DZIP3: variants seen among roughly 807,000 people sequenced by gnomAD.
DZIP3 encodes DAZ interacting zinc finger protein 3.
A neutral mutation model predicts 162.0 loss-of-function variants in DZIP3; 118 were observed. The observed-to-expected ratio is 0.73, with a 90% CI of 0.63 to 0.85. The LOEUF is 0.85. DZIP3 is among the 40% of genes least tolerant of loss of function. DZIP3 has a pLI of 0.00. For synonymous variants in DZIP3, 438 were observed against 458.6 expected (o/e 0.96, Z 0.57); for missense variants, 1,331 against 1,407.0 (o/e 0.95, Z 0.86).
At chr3:108,607,333 G>C (rs1940438762) in intron 2 of DZIP3, among the ~76,000 whole-genome samples, 1 of 152,096 alleles carries the variant, frequency 6.6e-6, no homozygotes, top group East Asian at 1.9e-4. Flanking sequence ...AGTCAAATAA[G>C]AGAATATTTA....
At chr3:108,646,190 T>G (rs1336254222) in intron 14 of DZIP3, among the ~76,000 whole-genome samples, 1 of 152,176 alleles carries the variant, frequency 6.6e-6, no homozygotes, top group African/African-American at 2.4e-5. Context: ...CAGCCTGATG[T>G]ACATTGTAGG....
intron 19 of DZIP3, among the ~76,000 whole-genome samples, chr3:108,656,182 G>A (rs1055306275): frequency 2.0e-5 from 3 of 152,290 alleles, no homozygotes; most frequent in Middle Eastern, 6.8e-3. Context: ...ATCTGAGAAC[G>A]GACAGCCTGC....
At chr3:108,668,376 G>C (rs1943769011) in intron 21 of DZIP3, among the ~76,000 whole-genome samples, 1 of 151,926 alleles carries the variant, frequency 6.6e-6, no homozygotes, top group African/African-American at 2.4e-5. Flanking sequence ...GAGAAGTTAA[G>C]ACTGCCTGAA....
intron 25 of DZIP3, among the ~76,000 whole-genome samples, chr3:108,676,251 T>C (rs1944105268): frequency 6.6e-6 from 1 of 152,044 alleles, no homozygotes; most frequent in Non-Finnish European, 1.5e-5. Context: ...TGCTCACGGT[T>C]ATGGTGAGTT....
intron 3 of DZIP3, among the ~76,000 whole-genome samples, chr3:108,609,424 C>T (rs1297910721): frequency 6.6e-6 from 1 of 152,106 alleles, no homozygotes; most frequent in Non-Finnish European, 1.5e-5. Context: ...TTTCTAGATG[C>T]AGAATCAGGA....
chr3:108,669,545 G>A (rs1319171949), intron 21 of DZIP3, 136 bp from the exon 22 acceptor site: 3 of 667,398 alleles, frequency 4.5e-6, no homozygotes, highest in Non-Finnish European at 7.6e-6. Flanking sequence ...TAGGAGTTCA[G>A]TTGTATTCAG....
intron 24 of DZIP3, among the ~76,000 whole-genome samples, chr3:108,674,995 A>G (rs960630106): frequency 1.3e-5 from 2 of 151,870 alleles, no homozygotes; most frequent in African/African-American, 2.4e-5. Flanking sequence ...TGCTTGCTAG[A>G]AGAAGAAAGA....
At chr3:108,648,252 C>G (rs75702132) in intron 16 of DZIP3, 140 bp downstream of exon 16, 4 of 693,394 alleles carry the variant, frequency 5.8e-6, no homozygotes, top group Non-Finnish European at 8.7e-6. Flanking sequence ...TTGGAATGGT[C>G]CTTTCCTTCC....
Position 108,684,247 on chromosome 3 carries a change from A to C in DZIP3, c.2915A>C (p.Lys972Thr). The C allele has an allele frequency of 6.2e-7, 1 of 1,612,508 alleles. No homozygotes were observed. The highest frequency in any genetic ancestry group is 1.1e-5 in the South Asian group (1 of 90,922). ...CAGTTCTTAGGAAGACCTCTTGTGA[A>C]AGAATCTTTCTTTAGACCCATACTT... The part of the protein sequence containing the change: ...MQQFLGRPLV[K>T]ESFFRPILTV... Residue 972 changes from lysine (K) to threonine (T), a missense_variant, in exon 27 of 33, where the codon AAA becomes ACA. This residue lies in a region of DZIP3 where 1,278 missense variants were observed against 1,317.1 expected (regional missense o/e 0.97). Transcript: ENST00000361582.
Position 108,674,791 on chromosome 3 carries a change from C to T in DZIP3, c.2693+610C>T, listed in dbSNP as rs534390942. 1.1e-4 allele frequency among the ~76,000 whole-genome samples: 16 copies of T among 151,790 alleles called. No individual in the cohort carries two copies. The East Asian group carries it at 2.9e-3, about 28-fold the overall frequency. On this transcript the variant is annotated intron_variant, in intron 24 of 32. Coordinates refer to ENST00000361582, the MANE Select transcript of DZIP3 (RefSeq NM_014648.4). ...TAAATTTATAATCTCATGGGGTACA[C>T]CAAACTTAAAGAATTAATTAAATTA...
intron 1 of DZIP3, among the ~76,000 whole-genome samples, chr3:108,602,186 T>A (rs1940058241): frequency 6.6e-6 from 1 of 152,130 alleles, no homozygotes; most frequent in African/African-American, 2.4e-5. Flanking sequence ...AATGTTTAAG[T>A]GGATTATTAA....
At chr3:108,620,543 T>C (rs1194505598) in intron 5 of DZIP3, among the ~76,000 whole-genome samples, 1 of 152,232 alleles carries the variant, frequency 6.6e-6, no homozygotes, top group Non-Finnish European at 1.5e-5. Context: ...TGTACATTTA[T>C]GTAACTACTG....
intron 1 of DZIP3, chr3:108,602,711 CAGT>C (rs776954031): frequency 6.6e-6 from 1 of 152,158 alleles, no homozygotes; most frequent in Non-Finnish European, 1.5e-5. Flanking sequence ...TTTAGCAGCT[CAGT>C]GGTGACATTT....
chr3:108,640,319 AT>A (rs139619517), intron 12 of DZIP3, among the ~76,000 whole-genome samples: 1,978 of 137,926 alleles, frequency 0.014, 32 homozygotes, highest in African/African-American at 0.048. Context: ...TATACTATTC[AT>A]TTTTTTTTTG....
chr3:108,676,742 C>A (rs1034527271), intron 25 of DZIP3, among the ~76,000 whole-genome samples: 3 of 152,042 alleles, frequency 2.0e-5, no homozygotes, highest in African/African-American at 7.2e-5. Context: ...CTTAGCGTTT[C>A]TGTTGGGTTT....
intron 14 of DZIP3, among the ~76,000 whole-genome samples, chr3:108,645,440 A>AG (rs1432246535): frequency 6.6e-6 from 1 of 152,188 alleles, no homozygotes; most frequent in Non-Finnish European, 1.5e-5. Context: ...TTTAAAAATC[A>AG]GGTAACATTC....
intron 22 of DZIP3, 57 bp downstream of exon 22, chr3:108,669,806 C>A: frequency 7.4e-7 from 1 of 1,356,950 alleles, no homozygotes; most frequent in Non-Finnish European, 1.0e-6. Context: ...TTTCACTCAA[C>A]ACTTTCTGGC....
At chr3:108,622,537 G>A (rs115565671) in intron 5 of DZIP3, among the ~76,000 whole-genome samples, 2,670 of 152,234 alleles carry the variant, frequency 0.018, 89 homozygotes, top group African/African-American at 0.061. Flanking sequence ...GATGTCCATC[G>A]ATGTCTGGGC....
chr3:108,666,237 TA>T lies in DZIP3; in HGVS notation c.2424-3436del, dbSNP rs796366447. Among the ~76,000 whole-genome samples the T allele has an allele frequency of 2.6e-5, 4 of 151,678 alleles. No homozygotes were observed. The South Asian group carries it at 6.2e-4, about 24-fold the overall frequency. ...AGGGATATATCATGCAGATGTTTAT[TA>T]AAAAAAAGTAAGAATGGCTATATTA... On this transcript the variant is annotated intron_variant, in intron 21 of 32. Coordinates refer to ENST00000361582, the MANE Select transcript of DZIP3 (RefSeq NM_014648.4).
Sources: allele counts gnomAD v4.1 joint callset (sites outside exome capture counted in the v4.1 genomes callset), GRCh38; gene constraint gnomAD v4.1.1; regional missense constraint gnomAD v4.1.1; transcripts MANE v1.5; gene names NCBI Gene and HGNC (gene_info 2026-07-23, HGNC 2026-07-21).